Variants in MGA observed in about 807,000 individuals in gnomAD.
The protein encoded by MGA is MAX gene-associated protein.
Under a neutral mutation model 261.1 loss-of-function variants are expected in MGA, and 40 were observed. The observed-to-expected ratio is 0.15, with a 90% CI of 0.12 to 0.20. The LOEUF (loss-of-function observed/expected upper bound fraction) is 0.20. Among genes scored for constraint, MGA ranks in the 10% least tolerant of loss-of-function variants. The probability of loss-of-function intolerance (pLI) is 1.00; values close to 1 mark genes in which losing one functional copy is unlikely to be tolerated. For synonymous variants in MGA, 1,302 were observed against 1,290.6 expected, an observed-to-expected ratio of 1.01 and a Z score of -0.19; for missense variants, 3,397 against 3,630.5, an observed-to-expected ratio of 0.94 and a Z score of 1.65.
Position 41,750,004 on chromosome 15 carries a change from A to C in MGA, c.6397A>C (p.Thr2133Pro). The C allele has an allele frequency of 6.2e-7, 1 of 1,612,268 alleles. No homozygotes were observed. Among genetic ancestry groups the C allele is most frequent in the Non-Finnish European group, 8.5e-7 (1 of 1,179,450 alleles). Reference sequence around the variant, plus strand: ...AGAAAACTCAAGTGAATTTCCAGTCACCTTTAAGGAAGAAAGTAAATTTGA... The same window carrying C: ...AGAAAACTCAAGTGAATTTCCAGTCCCCTTTAAGGAAGAAAGTAAATTTGA... The change falls in exon 17 of 24, where the codon ACC (threonine) becomes CCC (proline). Residue 2133 changes from threonine (T) to proline (P), a missense_variant. Physicochemically the swap from Thr to Pro is conservative, Grantham distance 38. This residue lies in a region of MGA where 1,410 missense variants were observed against 1,386.4 expected (regional missense o/e 1.02). Transcript: ENST00000219905.
At chr15:41,719,515 T>G (rs1026665074) in intron 9 of MGA, among the ~76,000 whole-genome samples, 15 of 152,194 alleles carry the variant, frequency 9.9e-5, no homozygotes, top group African/African-American at 3.4e-4. Flanking sequence ...CCGAGACTAG[T>G]GAATCATCTG....
chr15:41,696,900 G>A lies in MGA; in HGVS notation c.1890G>A (p.Lys630=). ...TCTGTAAGGCAGGACGACCACCTAA[G>A]AACACAGGAAAGTCTTTAATTTCTA... The change falls in exon 3 of 24, where the codon AAG becomes AAA. Residue 630 remains lysine, a synonymous_variant. Coordinates refer to ENST00000219905, the MANE Select transcript of MGA (RefSeq NM_001164273.2). 6.3e-7 allele frequency: 1 copy of A among 1,598,652 alleles called. No individual in the cohort carries two copies. The highest frequency in any genetic ancestry group is 8.5e-7 in the Non-Finnish European group (1 of 1,172,192).
rs1476436917 is a variant in MGA at position 41,669,410 on chromosome 15, A to T, written c.516A>T (p.Gln172His). ...CCACAGGTCATTATTGGATGCATCA[A>T]CCAGTATCTTTCTATAAACTCAAAC... The change falls in exon 2 of 24, where the codon CAA (glutamine) becomes CAT (histidine). Residue 172 changes from glutamine to histidine, a missense_variant. Around this residue, in one of 9 missense-constraint regions of MGA, gnomAD observed 104 missense variants for 212.9 expected, o/e 0.49. Coordinates refer to ENST00000219905, the MANE Select transcript of MGA (RefSeq NM_001164273.2). 6.2e-7 allele frequency: 1 copy of T among 1,613,864 alleles called. No homozygotes were observed. Among genetic ancestry groups the T allele is most frequent in the Non-Finnish European group, 8.5e-7 (1 of 1,179,898 alleles).
At position 41,767,239 on chromosome 15, in the gene MGA, T is replaced by C. The variant is rs1806978865; in HGVS notation, c.9157T>C (p.Leu3053=). 4 of 1,613,514 alleles carry C rather than the reference T, an allele frequency of 2.5e-6. No homozygotes were observed. Among genetic ancestry groups the C allele is most frequent in the South Asian group, 2.2e-5 (2 of 91,080 alleles). Residue 3053 remains leucine (L), a synonymous_variant, in exon 24 of 24, where the codon TTG becomes CTG. Transcript: ENST00000219905. ...TACATTGGCACCTGTTGTGGCTAAATTGGGCAACTCGGGGGCCTCACCAAG... is the reference window on the plus strand; with the variant it reads ...TACATTGGCACCTGTTGTGGCTAAACTGGGCAACTCGGGGGCCTCACCAAG...
intron 2 of MGA, among the ~76,000 whole-genome samples, chr15:41,685,780 A>T (rs1034195831): frequency 2.0e-5 from 3 of 150,838 alleles, no homozygotes; most frequent in Non-Finnish European, 4.4e-5. Flanking sequence ...GATCAGGAGG[A>T]TCATGAGGTC....
intron 2 of MGA, among the ~76,000 whole-genome samples, chr15:41,675,480 C>G (rs187903652): frequency 2.0e-5 from 3 of 151,774 alleles, no homozygotes; most frequent in Admixed American, 2.0e-4. Flanking sequence ...CTTTACTGAT[C>G]CTGCTGTCTC....
intron 5 of MGA, among the ~76,000 whole-genome samples, chr15:41,699,612 C>T (rs1450432366): frequency 6.6e-6 from 1 of 152,180 alleles, no homozygotes; most frequent in East Asian, 1.9e-4. Context: ...TGCCATTCTC[C>T]TGCCTCAGCC....
chr15:41,752,549 GTTTTTTTTTTT>G (rs35282917), intron 17 of MGA, among the ~76,000 whole-genome samples: 4 of 102,146 alleles, frequency 3.9e-5, no homozygotes, highest in Non-Finnish European at 5.6e-5. Context: ...AACCTTTAAA[GTTTTTTTTTTT>G]TTTTTTTTTT....
intron 9 of MGA, among the ~76,000 whole-genome samples, chr15:41,726,871 T>C (rs1021299200): frequency 1.3e-5 from 2 of 152,216 alleles, no homozygotes; most frequent in African/African-American, 4.8e-5. Flanking sequence ...TATATATTTA[T>C]GGGTTTGTCT....
chr15:41,757,853 A>G lies in MGA; in HGVS notation c.7191+14A>G, dbSNP rs371651593. 2.1e-5 allele frequency: 33 copies of G among 1,585,662 alleles called. 1 individual carries two copies. Among genetic ancestry groups the G allele is most frequent in the Non-Finnish European group, 2.5e-5 (29 of 1,155,676 alleles). The stretch of plus-strand genomic sequence containing the variant: ...AGGAGTCGAAAGGTATTTAGGATAT[A>G]TTTAGTGATAATTACTCATTGAATA... On this transcript the variant is annotated intron_variant, in intron 19 of 23. Transcript: ENST00000219905.
In MGA at chr15:41,762,533, A is replaced by T. The variant is rs1278534199; in HGVS notation, c.7744+171A>T. Among the ~76,000 whole-genome samples the T allele has an allele frequency of 2.1e-4, 25 of 116,280 alleles. 1 individual carries two copies. The highest frequency in any genetic ancestry group is 1.6e-5 in the Non-Finnish European group (1 of 62,438). The allele number at this position is 116,280 out of a possible 152,430, so 76.3% of individuals were successfully genotyped here. The stretch of plus-strand genomic sequence containing the variant: ...CCCAGGCTGCAGTTGCAGTGATGTG[A>T]TCTCAGCTCATTGCAACCTCCACCT... On this transcript the variant is annotated intron_variant, in intron 22 of 23. Coordinates refer to ENST00000219905, the MANE Select transcript of MGA (RefSeq NM_001164273.2).
chr15:41,689,429 C>T (rs955031359), intron 2 of MGA, among the ~76,000 whole-genome samples: 1 of 151,516 alleles, frequency 6.6e-6, no homozygotes, highest in African/African-American at 2.4e-5. Flanking sequence ...TTCCCTCTCT[C>T]CTTCTCTCCT....
At chr15:41,646,358 T>A (rs1292063019) in intron 1 of MGA, among the ~76,000 whole-genome samples, 1 of 151,884 alleles carries the variant, frequency 6.6e-6, no homozygotes, top group African/African-American at 2.4e-5. Context: ...TATTTTTCTT[T>A]TTTTGGAGAT....
At chr15:41,679,784 T>G (rs2058574212) in intron 2 of MGA, among the ~76,000 whole-genome samples, 1 of 152,100 alleles carries the variant, frequency 6.6e-6, no homozygotes, top group South Asian at 2.1e-4. Flanking sequence ...AGTTTCTCTA[T>G]ATAAGATTGC....
In MGA at chr15:41,696,868, T is replaced by C. The variant is rs2059569407; in HGVS notation, c.1858T>C (p.Leu620=). 4 of 1,598,056 alleles carry C rather than the reference T, an allele frequency of 2.5e-6. No homozygotes were observed. In the East Asian group the frequency reaches 9.0e-5, roughly 36 times the overall value. Residue 620 remains leucine, a synonymous_variant, in exon 3 of 24, where the codon TTG becomes CTG. Coordinates refer to ENST00000219905, the MANE Select transcript of MGA (RefSeq NM_001164273.2). ...TGGAAAAAGAGGAAGGCCACGAAAATTGAAACTCTGTAAGGCAGGACGACC... is the reference window on the plus strand; with the variant it reads ...TGGAAAAAGAGGAAGGCCACGAAAACTGAAACTCTGTAAGGCAGGACGACC...
intron 2 of MGA, among the ~76,000 whole-genome samples, chr15:41,686,856 A>C (rs1156343907): frequency 1.3e-5 from 2 of 152,018 alleles, no homozygotes; most frequent in African/African-American, 4.8e-5. Flanking sequence ...ATCCTTTTTA[A>C]TATTACTGGT....
intron 11 of MGA, among the ~76,000 whole-genome samples, chr15:41,731,664 A>G (rs2061515047): frequency 6.6e-6 from 1 of 152,220 alleles, no homozygotes. Context: ...ACTTTTATGA[A>G]TAAAGACACA....
intron 5 of MGA, among the ~76,000 whole-genome samples, chr15:41,699,712 G>A (rs1369689218): frequency 1.3e-5 from 2 of 152,288 alleles, no homozygotes; most frequent in East Asian, 1.9e-4. Flanking sequence ...GTGTTAGCCA[G>A]GATGGTCTTG....
intron 17 of MGA, among the ~76,000 whole-genome samples, chr15:41,752,977 A>G (rs1567089761): frequency 6.6e-6 from 1 of 152,230 alleles, no homozygotes; most frequent in Non-Finnish European, 1.5e-5. Flanking sequence ...TCTAAAATCT[A>G]AAGTCTACAC....
Sources: gnomAD v4.1 joint callset for allele counts (sites outside exome capture counted in the v4.1 genomes callset) on GRCh38, gnomAD v4.1.1 for gene constraint, gnomAD v4.1.1 regional missense constraint, MANE v1.5 for transcripts, NCBI Gene and HGNC (gene_info 2026-07-23, HGNC 2026-07-21) for gene names.